ZGRF1: variants seen among roughly 807,000 people sequenced by gnomAD.
ZGRF1 encodes 5'-3' DNA helicase ZGRF1.
A neutral mutation model predicts 203.5 loss-of-function variants in ZGRF1; 196 were observed. That is an observed-to-expected ratio of 0.96 (90% confidence interval 0.86 to 1.08). ZGRF1 has a LOEUF of 1.08. Ranked by LOEUF, ZGRF1 falls within the 50% of genes least tolerant of loss-of-function variation. The probability of loss-of-function intolerance (pLI) is 0.00; values close to 1 mark genes in which losing one functional copy is unlikely to be tolerated. For synonymous variants in ZGRF1, 809 were observed against 841.3 expected (o/e 0.96, Z 0.66); for missense variants, 2,326 against 2,416.3 (o/e 0.96, Z 0.78).
Position 112,553,897 on chromosome 4 carries a change from C to T in ZGRF1, c.5284G>A (p.Val1762Ile). The change falls in exon 22 of 28, where the codon GTC (valine) becomes ATC (isoleucine). Residue 1762 changes from valine to isoleucine, a missense_variant. Coordinates refer to ENST00000505019, the MANE Select transcript of ZGRF1 (RefSeq NM_018392.5). Reference sequence around the variant, plus strand: ...TGCTCAATGCTTTTTCTCACATAGACTCTTTCCGTAGGAGTCAGGTCTTCT... The same window carrying T: ...TGCTCAATGCTTTTTCTCACATAGATTCTTTCCGTAGGAGTCAGGTCTTCT... ...MKEDLTPTERVYVRKSIEQHK... is the reference protein window; with the variant it reads ...MKEDLTPTERIYVRKSIEQHK... 6.2e-7 allele frequency: 1 copy of T among 1,613,762 alleles called. No homozygotes were observed.
intron 12 of ZGRF1, 29 bp downstream of exon 12, chr4:112,587,251 T>C (rs1354918546): frequency 6.5e-7 from 1 of 1,547,268 alleles, no homozygotes; most frequent in Non-Finnish European, 8.7e-7. Flanking sequence ...ATTGGAAAAA[T>C]GCACCACAAG....
Position 112,618,583 on chromosome 4 carries a change from T to A in ZGRF1, c.1459A>T (p.Ile487Phe). 1 of 1,613,778 alleles carries A rather than the reference T, an allele frequency of 6.2e-7. No individual in the cohort carries two copies. The highest frequency in any genetic ancestry group is 8.5e-7 in the Non-Finnish European group (1 of 1,179,858). ...ATCCTAGAATTATTACTAGATTCAA[T>A]TTGGAGATGTTTCAGTTCTGGCAGA... ...SSLPELKHLQ[I>F]ESSNNSRISD... The change falls in exon 6 of 28, where the codon ATT (isoleucine) becomes TTT (phenylalanine). Residue 487 changes from isoleucine (I) to phenylalanine (F), a missense_variant. Ile to Phe is a conservative substitution (Grantham distance 21). Coordinates refer to ENST00000505019, the MANE Select transcript of ZGRF1 (RefSeq NM_018392.5).
chr4:112,560,605 A>T (rs1741773862), intron 19 of ZGRF1, 128 bp downstream of exon 19: 1 of 758,762 alleles, frequency 1.3e-6, no homozygotes. Context: ...AAGTGGGTAC[A>T]GGTTTAAAAA....
chr4:112,568,786 C>T (rs191332141), intron 16 of ZGRF1, among the ~76,000 whole-genome samples: 2,466 of 149,302 alleles, frequency 0.017, 80 homozygotes, highest in African/African-American at 0.057. Flanking sequence ...GAGGCCAAGG[C>T]GGGCAGATTA....
chr4:112,582,540 C>A (rs1207960142), intron 15 of ZGRF1, among the ~76,000 whole-genome samples: 1 of 152,102 alleles, frequency 6.6e-6, no homozygotes, highest in Non-Finnish European at 1.5e-5. Context: ...GCAACCTCCA[C>A]CTCCTTGGGC....
At chr4:112,628,475 G>C (rs1261596858) in intron 3 of ZGRF1, 1 of 415,068 alleles carries the variant, frequency 2.4e-6, no homozygotes, top group African/African-American at 2.1e-5. Flanking sequence ...TATGTTGGTT[G>C]GTTGATGACT....
chr4:112,563,193 G>C lies in ZGRF1; in HGVS notation c.4520C>G (p.Ser1507Cys). The part of the protein sequence containing the change: ...IACSAFFGPS[S>C]INEIEILPLK... ...AGGCAGTATTTCTATCTCATTGATA[G>C]ATGATGGTCCAAAGAAAGCACTACA... is the stretch of plus-strand genomic sequence containing the variant. The change falls in exon 17 of 28, where the codon TCT (serine) becomes TGT (cysteine). Residue 1507 changes from serine (S) to cysteine (C), a missense_variant. Transcript: ENST00000505019. The C allele has an allele frequency of 6.4e-7, 1 of 1,550,990 alleles. No individual in the cohort carries two copies. Among genetic ancestry groups the C allele is most frequent in the Non-Finnish European group, 8.7e-7 (1 of 1,146,522 alleles).
Position 112,612,506 on chromosome 4 carries a change from T to C in ZGRF1, c.2667+18A>G. 1.3e-6 allele frequency: 2 copies of C among 1,530,234 alleles called. No homozygotes were observed. Among genetic ancestry groups the C allele is most frequent in the East Asian group, 2.3e-5 (1 of 44,318 alleles). 94.8% of individuals were successfully genotyped at this position (1,530,234 alleles called of 1,614,324 possible). ...TATCAAAATAAAAAAAACATACTCT[T>C]AGAAAAAAAACCTGTACCTGTTGAG... On this transcript the variant is annotated intron_variant, in intron 7 of 27. Transcript: ENST00000505019.
chr4:112,621,161 C>T lies in ZGRF1; in HGVS notation c.163-971G>A, dbSNP rs139886779. 5.6e-3 allele frequency among the ~76,000 whole-genome samples: 853 copies of T among 152,228 alleles called. 15 individuals are homozygous for T. The highest frequency in any genetic ancestry group is 0.018 in the African/African-American group (760 of 41,546). Reference sequence around the variant, plus strand: ...CCTCCCAAGCAATTCACTTAGAATCCATACAACTAAGTGTAACTTTTCAAA... The same window carrying T: ...CCTCCCAAGCAATTCACTTAGAATCTATACAACTAAGTGTAACTTTTCAAA... On this transcript the variant is annotated intron_variant, in intron 4 of 27. Transcript: ENST00000505019.
At chr4:112,581,424 A>G (rs1298128299) in intron 16 of ZGRF1, among the ~76,000 whole-genome samples, 3 of 151,842 alleles carry the variant, frequency 2.0e-5, no homozygotes, top group Non-Finnish European at 4.4e-5. Context: ...AACTTAAAGT[A>G]TAATAAAAAT....
intron 10 of ZGRF1, among the ~76,000 whole-genome samples, chr4:112,593,299 A>G (rs1426980129): frequency 6.6e-6 from 1 of 152,194 alleles, no homozygotes; most frequent in East Asian, 1.9e-4. Flanking sequence ...ATTTGTCTTA[A>G]ACCCACCAAC....
At chr4:112,606,392 TG>T (rs773290849) in intron 8 of ZGRF1, among the ~76,000 whole-genome samples, 55 of 152,328 alleles carry the variant, frequency 3.6e-4, no homozygotes, top group Middle Eastern at 6.8e-3. Context: ...CTGGGTGCAG[TG>T]GCTTACGCCT....
chr4:112,584,542 A>G (rs1232693451), intron 14 of ZGRF1, among the ~76,000 whole-genome samples: 2 of 152,210 alleles, frequency 1.3e-5, no homozygotes, highest in Admixed American at 1.3e-4. Context: ...ACCCAAAAAG[A>G]ACAAACACAT....
chr4:112,585,743 AGAGAGC>A lies in ZGRF1; in HGVS notation c.3917-24_3917-19del. On this transcript the variant is annotated intron_variant, in intron 13 of 27. Coordinates refer to ENST00000505019, the MANE Select transcript of ZGRF1 (RefSeq NM_018392.5). ...TAGATGTTCTACAAAAAAAAAAAAA[AGAGAGC>A]AGAAAATTAAATACAAAATAATTTT... is the stretch of plus-strand genomic sequence containing the variant. The A allele has an allele frequency of 1.3e-6, 2 of 1,497,046 alleles. No homozygotes were observed. Among genetic ancestry groups the A allele is most frequent in the Non-Finnish European group, 1.8e-6 (2 of 1,116,002 alleles). The allele number at this position is 1,497,046 out of a possible 1,614,324, so 92.7% of individuals were successfully genotyped here. A position where few individuals can be genotyped will look rare whatever the true frequency, so the allele number is the denominator to read the frequency against.
At chr4:112,610,490 G>C (rs1751418396) in intron 7 of ZGRF1, among the ~76,000 whole-genome samples, 2 of 151,846 alleles carry the variant, frequency 1.3e-5, no homozygotes, top group South Asian at 4.2e-4. Flanking sequence ...AGAATTGCTT[G>C]AACCCAGGAG....
intron 3 of ZGRF1, among the ~76,000 whole-genome samples, chr4:112,629,409 G>A (rs1010230125): frequency 5.3e-5 from 8 of 152,222 alleles, no homozygotes; most frequent in African/African-American, 1.7e-4. Flanking sequence ...GGTGGCTTAT[G>A]CCTGTAATCC....
At position 112,585,745 on chromosome 4, in the gene ZGRF1, A is replaced by C; in HGVS notation, c.3917-20T>G. 1 of 1,487,606 alleles carries C rather than the reference A, an allele frequency of 6.7e-7. No individual in the cohort carries two copies. The highest frequency in any genetic ancestry group is 9.0e-7 in the Non-Finnish European group (1 of 1,108,020). The allele number at this position is 1,487,606 out of a possible 1,614,324, so 92.2% of individuals were successfully genotyped here. ...GATGTTCTACAAAAAAAAAAAAAAG[A>C]GAGCAGAAAATTAAATACAAAATAA... On this transcript the variant is annotated intron_variant, in intron 13 of 27. Transcript: ENST00000505019.
intron 3 of ZGRF1, among the ~76,000 whole-genome samples, chr4:112,631,624 A>T (rs2047412877): frequency 2.0e-5 from 3 of 152,186 alleles, no homozygotes; most frequent in Non-Finnish European, 4.4e-5. Context: ...GTGAGCCGAG[A>T]TCGTGCCACT....
chr4:112,631,643 G>C (rs577310407), intron 3 of ZGRF1, among the ~76,000 whole-genome samples: 1 of 152,284 alleles, frequency 6.6e-6, no homozygotes, highest in African/African-American at 2.4e-5. Flanking sequence ...CTGCACCCCA[G>C]CCTGGGTGAC....
Sources: gnomAD v4.1 joint callset for allele counts (sites outside exome capture counted in the v4.1 genomes callset) on GRCh38, gnomAD v4.1.1 for gene constraint, MANE v1.5 for transcripts, NCBI Gene and HGNC (gene_info 2026-07-23, HGNC 2026-07-21) for gene names.